Variants in PCDHA6 observed in about 807,000 individuals in gnomAD.
The protein encoded by PCDHA6 is protocadherin alpha 6.
Under a neutral mutation model 60.3 loss-of-function variants are expected in PCDHA6, and 55 were observed. The observed-to-expected ratio is 0.91, with a 90% CI of 0.73 to 1.14. PCDHA6 has a LOEUF of 1.14. Ranked by LOEUF, PCDHA6 falls within the 50% of genes most tolerant of loss-of-function variation. The probability of loss-of-function intolerance (pLI) is 0.00; values close to 1 mark genes in which losing one functional copy is unlikely to be tolerated. For synonymous variants in PCDHA6, 652 were observed against 557.9 expected, an observed-to-expected ratio of 1.17 and a Z score of -2.38; for missense variants, 1,327 against 1,256.5, an observed-to-expected ratio of 1.06 and a Z score of -0.85.
At chr5:140,923,804 ATCT>A (rs1273575266) in intron 1 of PCDHA6, among the ~76,000 whole-genome samples, 1 of 152,220 alleles carries the variant, frequency 6.6e-6, no homozygotes, top group African/African-American at 2.4e-5. Flanking sequence ...CACAAATGAA[ATCT>A]TCTGAAAATA....
At chr5:140,884,321 G>A in intron 1 of PCDHA6, 1 of 1,613,854 alleles carries the variant, frequency 6.2e-7, no homozygotes, top group Non-Finnish European at 8.5e-7. Context: ...GGCGTCGGCA[G>A]GCGCTGTGGG....
chr5:140,982,153 C>T (rs990862287), intron 2 of PCDHA6, among the ~76,000 whole-genome samples: 1 of 152,162 alleles, frequency 6.6e-6, no homozygotes, highest in Non-Finnish European at 1.5e-5. Flanking sequence ...GCTTCAGTAT[C>T]GAGATGTTAA....
rs1334678252 is a variant in PCDHA6, at chr5:140,828,066, T to G, written c.-26T>G. 3 of 1,559,958 alleles carry G rather than the reference T, an allele frequency of 1.9e-6. No homozygotes were observed. Among genetic ancestry groups the G allele is most frequent in the Non-Finnish European group, 2.6e-6 (3 of 1,155,670 alleles). On this transcript the variant is annotated 5_prime_UTR_variant, in exon 1 of 4. It removes an upstream start codon present in the reference 5' UTR. Coordinates refer to ENST00000529310, the MANE Select transcript of PCDHA6 (RefSeq NM_018909.4). ...TATCTTTATGCGGAAGATCTTCTAATGGAAATAAAACCAGAGGTATTTGAC... is the reference window on the plus strand; with the variant it reads ...TATCTTTATGCGGAAGATCTTCTAAGGGAAATAAAACCAGAGGTATTTGAC...
chr5:140,834,637 T>C lies in PCDHA6; in HGVS notation c.2394+4152T>C, dbSNP rs2150223178. 78 of 1,614,168 alleles carry C rather than the reference T, an allele frequency of 4.8e-5. No individual in the cohort carries two copies. The highest frequency in any genetic ancestry group is 1.7e-4 in the Middle Eastern group (1 of 6,058). ...GTAAATCTGCAGAATGGCATTTTGTTTGTGAATTCTCGGATCGACCGCGAG... is the reference window on the plus strand; with the variant it reads ...GTAAATCTGCAGAATGGCATTTTGTCTGTGAATTCTCGGATCGACCGCGAG... On this transcript the variant is annotated intron_variant, in intron 1 of 3. Transcript: ENST00000529310.
intron 1 of PCDHA6, chr5:140,882,004 C>CA (rs1296948506): frequency 1.0e-5 from 5 of 496,760 alleles, no homozygotes; most frequent in Non-Finnish European, 1.7e-5. Flanking sequence ...ATGCAAGGGG[C>CA]AAAAAAATAC....
intron 1 of PCDHA6, among the ~76,000 whole-genome samples, chr5:140,959,145 A>C (rs2095470775): frequency 6.6e-6 from 1 of 152,030 alleles, no homozygotes; most frequent in Non-Finnish European, 1.5e-5. Flanking sequence ...GGGAGGCCAA[A>C]GTGGGCAGAT....
At position 140,856,940 on chromosome 5, in the gene PCDHA6, AC is replaced by A. The variant is rs782681005; in HGVS notation, c.2394+26456del. ...AAGGAAATTTTGGATAAACGAAAGGACGGGAGAAATAAAAGTAAATGATGCT... is the reference window on the plus strand; with the variant it reads ...AAGGAAATTTTGGATAAACGAAAGGAGGGAGAAATAAAAGTAAATGATGCT... On this transcript the variant is annotated intron_variant, in intron 1 of 3. Transcript: ENST00000529310. The A allele has an allele frequency of 1.9e-5, 30 of 1,593,712 alleles. No individual in the cohort carries two copies. In the South Asian group the frequency reaches 3.3e-4, roughly 18 times the overall value.
chr5:140,831,011 C>T (rs1473200550), intron 1 of PCDHA6: 6 of 152,166 alleles, frequency 3.9e-5, no homozygotes, highest in Non-Finnish European at 5.9e-5. Flanking sequence ...CTGTGGTTCC[C>T]TTTTCAGACT....
chr5:140,887,643 T>C (rs1392264032), intron 1 of PCDHA6, among the ~76,000 whole-genome samples: 2 of 152,148 alleles, frequency 1.3e-5, no homozygotes, highest in African/African-American at 4.8e-5. Flanking sequence ...TTGGGGTTTG[T>C]TGATATTCTT....
At chr5:140,924,738 T>C (rs2153573504) in intron 1 of PCDHA6, among the ~76,000 whole-genome samples, 1 of 151,522 alleles carries the variant, frequency 6.6e-6, no homozygotes, top group Admixed American at 6.6e-5. Flanking sequence ...CTAATAAAAA[T>C]ACAAAAATTA....
chr5:140,916,303 A>G (rs2077518127), intron 1 of PCDHA6, among the ~76,000 whole-genome samples: 1 of 152,176 alleles, frequency 6.6e-6, no homozygotes, highest in Admixed American at 6.5e-5. Context: ...ACTGGTACCA[A>G]AGGTGCAAGA....
At chr5:140,929,298 A>T in intron 1 of PCDHA6, 1 of 1,591,722 alleles carries the variant, frequency 6.3e-7, no homozygotes, top group South Asian at 1.1e-5. Context: ...GGAATAGGAA[A>T]GGGGATCACG....
intron 1 of PCDHA6, among the ~76,000 whole-genome samples, chr5:140,961,052 G>A (rs942442138): frequency 7.9e-5 from 12 of 152,272 alleles, no homozygotes; most frequent in African/African-American, 2.9e-4. Flanking sequence ...TTAACAAAAT[G>A]TTGAATGGGA....
At chr5:140,837,917 G>A (rs1390684989) in intron 1 of PCDHA6, among the ~76,000 whole-genome samples, 2 of 151,626 alleles carry the variant, frequency 1.3e-5, no homozygotes, top group African/African-American at 4.9e-5. Flanking sequence ...GGCTTCAAGC[G>A]ATCCTCCTAC....
intron 1 of PCDHA6, chr5:140,927,514 G>T: frequency 6.2e-7 from 1 of 1,614,056 alleles, no homozygotes; most frequent in Non-Finnish European, 8.5e-7. Flanking sequence ...AGCTCGGGAC[G>T]GCGGGCTACC....
chr5:140,863,748 C>G (rs1221413981), intron 1 of PCDHA6: 1 of 241,166 alleles, frequency 4.1e-6, no homozygotes, highest in Non-Finnish European at 8.2e-6. Flanking sequence ...TTTGTAATCC[C>G]GGCACTTTGG....
intron 3 of PCDHA6, among the ~76,000 whole-genome samples, chr5:141,006,959 A>G (rs2098296620): frequency 6.6e-6 from 1 of 152,142 alleles, no homozygotes; most frequent in East Asian, 1.9e-4. Context: ...GTTATACATG[A>G]GATTGGAGCA....
At chr5:140,883,483 C>T (rs1554178423) in intron 1 of PCDHA6, 2 of 1,614,078 alleles carry the variant, frequency 1.2e-6, no homozygotes, top group African/African-American at 2.7e-5. Flanking sequence ...AGAACTACTA[C>T]TCATTAGTGC....
At chr5:140,897,438 G>A (rs2066109195) in intron 1 of PCDHA6, among the ~76,000 whole-genome samples, 1 of 149,226 alleles carries the variant, frequency 6.7e-6, no homozygotes, top group African/African-American at 2.5e-5. Context: ...AACATGCAGT[G>A]TTTGGTTTTT....
Sources: gnomAD v4.1 joint callset for allele counts (sites outside exome capture counted in the v4.1 genomes callset) on GRCh38, gnomAD v4.1.1 for gene constraint, MANE v1.5 for transcripts, NCBI Gene and HGNC (gene_info 2026-07-23, HGNC 2026-07-21) for gene names.